The following FAM107B variants were observed in gnomAD, a reference collection of about 807,000 sequenced individuals.
FAM107B encodes protein FAM107B.
In FAM107B, 21 loss-of-function variants were observed where a neutral mutation model predicts 31.5. The ratio of observed to expected loss-of-function variants is 0.67; its 90% CI spans 0.47 to 0.96. The LOEUF (loss-of-function observed/expected upper bound fraction) is 0.96, where lower values mean the gene tolerates loss of function less well. FAM107B is among the 40% of genes least tolerant of loss of function. The probability of loss-of-function intolerance (pLI) is 0.00; values close to 1 mark genes in which losing one functional copy is unlikely to be tolerated. For synonymous variants in FAM107B, 157 were observed against 141.5 expected, an observed-to-expected ratio of 1.11 and a Z score of -0.78; for missense variants, 452 against 377.1, an observed-to-expected ratio of 1.20 and a Z score of -1.64.
At chr10:14,683,192 G>A (rs1372703822) in intron 1 of FAM107B, among the ~76,000 whole-genome samples, 1 of 151,626 alleles carries the variant, frequency 6.6e-6, no homozygotes, top group Non-Finnish European at 1.5e-5. Flanking sequence ...GCCCCTTGCT[G>A]GTCTTGCTGG....
Position 14,645,427 on chromosome 10 carries a change from C to A in FAM107B, c.469+22207G>T, listed in dbSNP as rs12785149. On this transcript the variant is annotated intron_variant, in intron 2 of 4. Coordinates refer to ENST00000181796, the MANE Select transcript of FAM107B (RefSeq NM_031453.4). ...GGCTTTTAGGTTTCCGTTTCCCGTT[C>A]GTCTAAGCAAGCCTGAGAAAGAACA... Among the ~76,000 whole-genome samples, 1,029 of 152,094 alleles carry A rather than the reference C, an allele frequency of 6.8e-3. 9 individuals are homozygous for A. The highest frequency in any genetic ancestry group is 0.023 in the African/African-American group (971 of 41,494).
At chr10:14,634,906 A>G (rs1853458109) in intron 2 of FAM107B, among the ~76,000 whole-genome samples, 1 of 152,076 alleles carries the variant, frequency 6.6e-6, no homozygotes. Context: ...CCTGGCCAAC[A>G]TGGTGAAACC....
intron 2 of FAM107B, among the ~76,000 whole-genome samples, chr10:14,637,867 G>T (rs1055276628): frequency 9.2e-5 from 14 of 152,124 alleles, no homozygotes; most frequent in Non-Finnish European, 1.6e-4. Flanking sequence ...GCAAAGAACT[G>T]AATTCTTCCA....
rs143361367 is a variant in FAM107B at position 14,530,400 on chromosome 10, C to T, written c.585G>A (p.Leu195=). The T allele has an allele frequency of 1.1e-5, 18 of 1,613,840 alleles. No homozygotes were observed. In the African/African-American group the frequency reaches 1.7e-4, roughly 16 times the overall value. ...DNPELIRPQK[L]INPVKTSRNH... ...TCCGGGAGGTTTTTACAGGATTGAT[C>T]AGTTTCTGAGGCCTAATGAGTTCAG... Residue 195 remains leucine (L), a synonymous_variant, in exon 3 of 5, where the codon CTG becomes CTA. Transcript: ENST00000181796.
At chr10:14,589,189 AAAG>A (rs1851940445) in intron 2 of FAM107B, among the ~76,000 whole-genome samples, 1 of 151,912 alleles carries the variant, frequency 6.6e-6, no homozygotes, top group East Asian at 1.9e-4. Flanking sequence ...AAAAAAAAGA[AAAG>A]AAAAAAAAGA....
At position 14,640,345 on chromosome 10, in the gene FAM107B, T is replaced by C. The variant is rs142597995; in HGVS notation, c.469+27289A>G. Reference sequence around the variant, plus strand: ...CCAGTGAAATGAATGGGTGCACAAATGAATGATTTCTCCAGAATGGTAGAA... The same window carrying C: ...CCAGTGAAATGAATGGGTGCACAAACGAATGATTTCTCCAGAATGGTAGAA... On this transcript the variant is annotated intron_variant, in intron 2 of 4. Transcript: ENST00000181796. Among the ~76,000 whole-genome samples the C allele has an allele frequency of 7.7e-3, 1,173 of 152,324 alleles. 7 individuals are homozygous for C. Among genetic ancestry groups the C allele is most frequent in the Non-Finnish European group, 0.014 (951 of 68,038 alleles).
At chr10:14,656,619 C>G (rs10906732) in intron 2 of FAM107B, among the ~76,000 whole-genome samples, 77,808 of 152,064 alleles carry the variant, frequency 0.51, 20,919 homozygotes, top group Non-Finnish European at 0.59. Context: ...CTCCAGGATG[C>G]AAACAGTTAA....
At chr10:14,614,143 A>T (rs1852794442) in intron 2 of FAM107B, among the ~76,000 whole-genome samples, 1 of 151,978 alleles carries the variant, frequency 6.6e-6, no homozygotes, top group African/African-American at 2.4e-5. Flanking sequence ...TAAATAAATA[A>T]ATACAATTTG....
At chr10:14,710,257 T>C (rs1235857794) in intron 1 of FAM107B, among the ~76,000 whole-genome samples, 1 of 151,924 alleles carries the variant, frequency 6.6e-6, no homozygotes, top group East Asian at 1.9e-4. Flanking sequence ...CATTAAAAAA[T>C]GTAACATAGT....
intron 3 of FAM107B, among the ~76,000 whole-genome samples, chr10:14,523,475 TGACTCTGTCCCG>T (rs1423143911): frequency 5.3e-5 from 8 of 152,350 alleles, no homozygotes; most frequent in Non-Finnish European, 1.0e-4. Flanking sequence ...CAAGCACTGC[TGACTCTGTCCCG>T]GACTCCAGGA....
chr10:14,558,373 T>C (rs1206960062), intron 2 of FAM107B, among the ~76,000 whole-genome samples: 1 of 152,150 alleles, frequency 6.6e-6, no homozygotes, highest in African/African-American at 2.4e-5. Flanking sequence ...GTAAACAAGA[T>C]ACCTAATTAA....
chr10:14,739,944 CT>C (rs1856397574), intron 1 of FAM107B, among the ~76,000 whole-genome samples: 1 of 152,156 alleles, frequency 6.6e-6, no homozygotes, highest in African/African-American at 2.4e-5. Flanking sequence ...GCTTGAATGG[CT>C]GAAATTTATG....
intron 1 of FAM107B, among the ~76,000 whole-genome samples, chr10:14,695,124 C>T (rs1209147207): frequency 6.6e-6 from 1 of 152,060 alleles, no homozygotes; most frequent in African/African-American, 2.4e-5. Context: ...AGGAATTTTA[C>T]AGTTCCAGGT....
rs66513357 is a variant in FAM107B at position 14,659,590 on chromosome 10, G to T, written c.469+8044C>A. On this transcript the variant is annotated intron_variant, in intron 2 of 4. Coordinates refer to ENST00000181796, the MANE Select transcript of FAM107B (RefSeq NM_031453.4). Reference sequence around the variant, plus strand: ...TGTTTTCTGTTCATCTGTGGCCAAAGACTCAGAAAAATCTGTATGGAAGAT... The same window carrying T: ...TGTTTTCTGTTCATCTGTGGCCAAATACTCAGAAAAATCTGTATGGAAGAT... Among the ~76,000 whole-genome samples the T allele has an allele frequency of 3.1e-4, 47 of 152,230 alleles. No homozygotes were observed. In the South Asian group the frequency reaches 9.5e-3, roughly 31 times the overall value.
intron 2 of FAM107B, among the ~76,000 whole-genome samples, chr10:14,663,205 C>T (rs1173760518): frequency 4.6e-5 from 7 of 152,232 alleles, no homozygotes; most frequent in Admixed American, 4.6e-4. Flanking sequence ...TTTGGACTGG[C>T]TTCCTTGTTC....
chr10:14,531,573 G>T (rs957897970), intron 2 of FAM107B, among the ~76,000 whole-genome samples: 15 of 150,594 alleles, frequency 1.0e-4, no homozygotes, highest in Admixed American at 9.3e-4. Context: ...TGGGCACAGT[G>T]GCTCATATAT....
chr10:14,678,181 C>T (rs1230059153), intron 1 of FAM107B, among the ~76,000 whole-genome samples: 2 of 152,230 alleles, frequency 1.3e-5, no homozygotes, highest in African/African-American at 4.8e-5. Context: ...TCTAAATTTC[C>T]TCCTCTGGAG....
At chr10:14,767,097 G>GAC (rs1564295887) in intron 1 of FAM107B, among the ~76,000 whole-genome samples, 39 of 113,818 alleles carry the variant, frequency 3.4e-4, no homozygotes, top group Non-Finnish European at 5.0e-4. Context: ...GAGAGAGAGA[G>GAC]AGACAGAGAG....
At chr10:14,582,610 C>T (rs944684368) in intron 2 of FAM107B, among the ~76,000 whole-genome samples, 5 of 151,738 alleles carry the variant, frequency 3.3e-5, no homozygotes, top group African/African-American at 1.2e-4. Context: ...ATCTCCTGAC[C>T]TTGTGATCTG....
Sources: gnomAD v4.1 joint callset for allele counts (sites outside exome capture counted in the v4.1 genomes callset) on GRCh38, gnomAD v4.1.1 for gene constraint, MANE v1.5 for transcripts, NCBI Gene and HGNC (gene_info 2026-07-23, HGNC 2026-07-21) for gene names.